Variants in MICA observed in about 807,000 individuals in gnomAD.
The protein encoded by MICA is HLA class I antigen.
Under a neutral mutation model 34.3 loss-of-function variants are expected in MICA, and 18 were observed. The ratio of observed to expected loss-of-function variants is 0.52; its 90% CI spans 0.36 to 0.78. The LOEUF (loss-of-function observed/expected upper bound fraction) is 0.78, where lower values mean the gene tolerates loss of function less well. Among genes scored for constraint, MICA ranks in the 30% least tolerant of loss-of-function variants. The pLI is 0.00. For synonymous variants in MICA, 135 were observed against 156.9 expected, an observed-to-expected ratio of 0.86 and a Z score of 1.04; for missense variants, 333 against 409.4, an observed-to-expected ratio of 0.81 and a Z score of 1.61.
intron 1 of MICA, among the ~76,000 whole-genome samples, chr6:31,404,666 G>T (rs534259660): frequency 6.6e-6 from 1 of 151,962 alleles, no homozygotes; most frequent in African/African-American, 2.4e-5. Flanking sequence ...TTTTATCCGG[G>T]GGGGTCTTCC....
rs564346901 is a variant in MICA at position 31,413,170 on chromosome 6, T to C, written c.*29+710T>C. 7.4e-4 allele frequency among the ~76,000 whole-genome samples: 112 copies of C among 152,026 alleles called. 3 individuals carry two copies. Among genetic ancestry groups the C allele is most frequent in the African/African-American group, 2.6e-3 (106 of 41,402 alleles). On this transcript the variant is annotated intron_variant, in intron 5 of 5. Transcript: ENST00000449934. ...CTACTCTTTCCAGGTTCCCACGGCC[T>C]GGCCTCCCTGAGTTTCTTGCAGATG... is the stretch of plus-strand genomic sequence containing the variant.
chr6:31,406,051 T>C (rs1450747427), intron 1 of MICA, among the ~76,000 whole-genome samples: 1 of 151,894 alleles, frequency 6.6e-6, no homozygotes, highest in Non-Finnish European at 1.5e-5. Flanking sequence ...TTCTTTGGAG[T>C]ATATGCCTAA....
chr6:31,408,352 T>C (rs576857484), intron 1 of MICA, among the ~76,000 whole-genome samples: 54 of 152,144 alleles, frequency 3.5e-4, no homozygotes, highest in Middle Eastern at 3.4e-3. Context: ...AGGATATTCC[T>C]GGCTTTGTAA....
At chr6:31,413,625 T>C (rs1771333978) in intron 5 of MICA, among the ~76,000 whole-genome samples, 2 of 151,746 alleles carry the variant, frequency 1.3e-5, no homozygotes, top group Non-Finnish European at 2.9e-5. Context: ...CTAATTGCAC[T>C]GTCAATCGGC....
rs72845865 is a variant in MICA at position 31,413,438 on chromosome 6, G to A, written c.*29+978G>A. Among the ~76,000 whole-genome samples the A allele has an allele frequency of 3.6e-3, 542 of 152,000 alleles. 3 individuals are homozygous for A. The highest frequency in any genetic ancestry group is 3.9e-3 in the Non-Finnish European group (264 of 68,026). On this transcript the variant is annotated intron_variant, in intron 5 of 5. Transcript: ENST00000449934. ...GTGGTCACTGCCTGGTAAGTTTGGA[G>A]TAAGGGACGGTCAGAATCATTTCCC... is the stretch of plus-strand genomic sequence containing the variant.
Position 31,405,503 on chromosome 6 carries a change from A to C in MICA, c.70+1801A>C, listed in dbSNP as rs3016010. Among the ~76,000 whole-genome samples, 275 of 151,978 alleles carry C rather than the reference A, an allele frequency of 1.8e-3. 2 individuals carry two copies. Among genetic ancestry groups the C allele is most frequent in the African/African-American group, 4.8e-3 (197 of 41,386 alleles). On this transcript the variant is annotated intron_variant, in intron 1 of 5. Coordinates refer to ENST00000449934, the MANE Select transcript of MICA (RefSeq NM_001177519.3). ...ATTTTGACACAGGCCTACAATATGT[A>C]ATAATCACATCAGGGTAAATGGGTT...
At chr6:31,409,012 A>AT (rs1770906551) in intron 1 of MICA, among the ~76,000 whole-genome samples, 2 of 150,172 alleles carry the variant, frequency 1.3e-5, no homozygotes, top group African/African-American at 4.9e-5. Context: ...TCTCCAAAAA[A>AT]AAAAATAAAA....
At chr6:31,404,016 T>C (rs1346909056) in intron 1 of MICA, among the ~76,000 whole-genome samples, 2 of 151,738 alleles carry the variant, frequency 1.3e-5, no homozygotes, top group African/African-American at 4.9e-5. Context: ...CCGGGCTGCC[T>C]CCGGGGCTGC....
In MICA at chr6:31,411,572, A is replaced by T. The variant is rs1771157917; in HGVS notation, c.613+213A>T. Among the ~76,000 whole-genome samples the T allele has an allele frequency of 6.6e-6, 1 of 151,878 alleles. No individual in the cohort carries two copies. Among genetic ancestry groups the T allele is most frequent in the Non-Finnish European group, 1.5e-5 (1 of 68,022 alleles). On this transcript the variant is annotated intron_variant, in intron 3 of 5. Coordinates refer to ENST00000449934, the MANE Select transcript of MICA (RefSeq NM_001177519.3). The surrounding 1 kb of genome is among the most constrained non-coding windows in gnomAD (Gnocchi z 4.3). ...CCAGTGTTGTAATCAGGGCAAGTAGAGGACCCTCCGACAGAATCCTGAGCC... is the reference window on the plus strand; with the variant it reads ...CCAGTGTTGTAATCAGGGCAAGTAGTGGACCCTCCGACAGAATCCTGAGCC...
rs893626552 is a variant in MICA at position 31,412,541 on chromosome 6, G to C, written c.*29+81G>C. On this transcript the variant is annotated intron_variant, in intron 5 of 5. Coordinates refer to ENST00000449934, the MANE Select transcript of MICA (RefSeq NM_001177519.3). Reference sequence around the variant, plus strand: ...TCCCCTCATTGCTCCTGCAAAGATAGGCATGTTGGTGACAAGGCTTCCATA... The same window carrying C: ...TCCCCTCATTGCTCCTGCAAAGATACGCATGTTGGTGACAAGGCTTCCATA... The C allele has an allele frequency of 2.3e-5, 21 of 898,296 alleles. 1 individual carries two copies. The African/African-American group carries it at 3.1e-4, about 13-fold the overall frequency. 55.6% of individuals were successfully genotyped at this position (898,296 alleles called of 1,614,324 possible).
chr6:31,403,623 C>A lies in MICA; in HGVS notation c.-10C>A, dbSNP rs1169941950. Reference sequence around the variant, plus strand: ...GCTTGAGCCGCTGAGAGGGTGGCGACGTCGGGGCCATGGGGCTGGGCCCGG... The same window carrying A: ...GCTTGAGCCGCTGAGAGGGTGGCGAAGTCGGGGCCATGGGGCTGGGCCCGG... On this transcript the variant is annotated 5_prime_UTR_variant, in exon 1 of 6. Transcript: ENST00000449934. This position sits in a 1 kb window ranked among gnomAD's most constrained non-coding sequence, Gnocchi z 4.7. The A allele has an allele frequency of 6.6e-7, 1 of 1,505,434 alleles. No homozygotes were observed. Among genetic ancestry groups the A allele is most frequent in the Admixed American group, 2.4e-5 (1 of 41,602 alleles). The allele number at this position is 1,505,434 out of a possible 1,614,324, so 93.3% of individuals were successfully genotyped here. A position where few individuals can be genotyped will look rare whatever the true frequency, so the allele number is the denominator to read the frequency against.
At position 31,403,707 on chromosome 6, in the gene MICA, G is replaced by C; in HGVS notation, c.70+5G>C. 1.3e-6 allele frequency: 2 copies of C among 1,529,634 alleles called. No individual in the cohort carries two copies. The highest frequency in any genetic ancestry group is 1.8e-6 in the Non-Finnish European group (2 of 1,139,682). The allele number at this position is 1,529,634 out of a possible 1,614,324, so 94.8% of individuals were successfully genotyped here. On this transcript the variant is annotated splice_donor_5th_base_variant and intron_variant, in intron 1 of 5. Coordinates refer to ENST00000449934, the MANE Select transcript of MICA (RefSeq NM_001177519.3). The surrounding 1 kb of genome is among the most constrained non-coding windows in gnomAD (Gnocchi z 4.7). ...CACCTCCGGGAGCTGCTGCTGGTGA[G>C]TGGCGTTCCTGGCGGTCCTCGGCGG... is the stretch of plus-strand genomic sequence containing the variant.
rs1770586936 is a variant in MICA at position 31,403,760 on chromosome 6, G to A, written c.70+58G>A. ...CGGGAGCAGTGGGACGTTTCCGGGG[G>A]TCGGGTGGGTAGCGGCGAGCGCTGT... On this transcript the variant is annotated intron_variant, in intron 1 of 5. Coordinates refer to ENST00000449934, the MANE Select transcript of MICA (RefSeq NM_001177519.3). This position sits in a 1 kb window ranked among gnomAD's most constrained non-coding sequence, Gnocchi z 4.7. 8.8e-6 allele frequency: 13 copies of A among 1,482,440 alleles called. No individual in the cohort carries two copies. Among genetic ancestry groups the A allele is most frequent in the South Asian group, 7.4e-5 (6 of 81,180 alleles). The allele number at this position is 1,482,440 out of a possible 1,614,324, so 91.8% of individuals were successfully genotyped here. A position where few individuals can be genotyped will look rare whatever the true frequency, so the allele number is the denominator to read the frequency against.
chr6:31,412,736 GTC>G (rs1771271668), intron 5 of MICA, among the ~76,000 whole-genome samples: 1 of 151,922 alleles, frequency 6.6e-6, no homozygotes, highest in African/African-American at 2.4e-5. Context: ...CCCCATCCCG[GTC>G]TCTGTGTCTC....
chr6:31,406,665 C>A (rs1226047830), intron 1 of MICA, among the ~76,000 whole-genome samples: 1 of 151,794 alleles, frequency 6.6e-6, no homozygotes, highest in Non-Finnish European at 1.5e-5. Context: ...CCAATGTTTT[C>A]TTGTATAGTT....
upstream of MICA, chr6:31,403,569 G>T: frequency 7.3e-7 from 1 of 1,372,086 alleles, no homozygotes; most frequent in South Asian, 1.5e-5. This position sits in a 1 kb window ranked among gnomAD's most constrained non-coding sequence, Gnocchi z 4.7. Context: ...AGGTGACTAA[G>T]TTTCCGCGGC....
Position 31,411,898 on chromosome 6 carries a change from C to G in MICA, c.614-49C>G. 1.9e-6 allele frequency: 3 copies of G among 1,576,770 alleles called. No individual in the cohort carries two copies. The highest frequency in any genetic ancestry group is 1.8e-5 in the Admixed American group (1 of 54,846). On this transcript the variant is annotated intron_variant, in intron 3 of 5. Transcript: ENST00000449934. This position sits in a 1 kb window ranked among gnomAD's most constrained non-coding sequence, Gnocchi z 4.3. ...AGAGAAACAGCCCTGTTCCTCTCCC[C>G]TCCTTAGAGGGGAGCAGGGCTTCAC...
chr6:31,409,105 T>G (rs1248716041), intron 1 of MICA, among the ~76,000 whole-genome samples: 1 of 151,938 alleles, frequency 6.6e-6, no homozygotes, highest in African/African-American at 2.4e-5. Flanking sequence ...TGGATAATAC[T>G]CATTATATGT....
chr6:31,412,008 C>T lies in MICA; in HGVS notation c.675C>T (p.Cys225=), dbSNP rs754013204. The change falls in exon 4 of 6, where the codon TGC becomes TGT. Residue 225 remains cysteine (C), a synonymous_variant. Transcript: ENST00000449934. ...EASEGNITVT[C]RASSFYPRNI... is the part of the protein sequence containing the mutation. ...CAGAGGGCAACATCACCGTGACATG[C>T]AGGGCTTCCAGCTTCTATCCCCGGA... 6.2e-7 allele frequency: 1 copy of T among 1,612,914 alleles called. No individual in the cohort carries two copies. The highest frequency in any genetic ancestry group is 8.5e-7 in the Non-Finnish European group (1 of 1,179,704).
Sources: allele counts gnomAD v4.1 joint callset (sites outside exome capture counted in the v4.1 genomes callset), GRCh38; gene constraint gnomAD v4.1.1; non-coding constraint Gnocchi (gnomAD v3.1); transcripts MANE v1.5; gene names NCBI Gene and HGNC (gene_info 2026-07-23, HGNC 2026-07-21).